MAN2A2: variants seen among roughly 807,000 people sequenced by gnomAD.
MAN2A2 encodes the protein mannosidase alpha class 2A member 2.
A neutral mutation model predicts 126.8 loss-of-function variants in MAN2A2; 79 were observed. The observed-to-expected ratio is 0.62, with a 90% confidence interval of 0.52 to 0.75. The LOEUF is 0.75. Among genes scored for constraint, MAN2A2 ranks in the 30% least tolerant of loss-of-function variants. The pLI is 0.00. For synonymous variants in MAN2A2, 671 were observed against 618.7 expected, an observed-to-expected ratio of 1.08 and a Z score of -1.25; for missense variants, 1,392 against 1,522.4, an observed-to-expected ratio of 0.91 and a Z score of 1.43.
Position 90,918,271 on chromosome 15 carries a change from C to G in MAN2A2, c.3072C>G (p.Leu1024=). The G allele has an allele frequency of 6.2e-7, 1 of 1,614,196 alleles. No individual in the cohort carries two copies. Residue 1024 remains leucine (L), a synonymous_variant, in exon 21 of 23, where the codon CTC becomes CTG. Transcript: ENST00000559717. Reference sequence around the variant, plus strand: ...CCATGTACCTGAACGCCCCGGCGCTCGCTCTGCCTGTAGCCAGGATGCAGC... The same window carrying G: ...CCATGTACCTGAACGCCCCGGCGCTGGCTCTGCCTGTAGCCAGGATGCAGC... ...LTSMYLNAPA[L]ALPVARMQLP...
chr15:90,918,655 T>C lies in MAN2A2; in HGVS notation c.3200T>C (p.Leu1067Pro). The C allele has an allele frequency of 6.6e-7, 1 of 1,518,164 alleles. No individual in the cohort carries two copies. The highest frequency in any genetic ancestry group is 9.1e-7 in the Non-Finnish European group (1 of 1,093,352). The allele number at this position is 1,518,164 out of a possible 1,614,324, so 94.0% of individuals were successfully genotyped here. A position where few individuals can be genotyped will look rare whatever the true frequency, so the allele number is the denominator to read the frequency against. ...CTGTCTGTCATCCAGGAGGACACCC[T>C]ACCCTCGGCGGAGACCGCACTCATC... The part of the protein sequence containing the change: ...LRTLQAEEDT[L>P]PSAETALILH... The change falls in exon 22 of 23, where the codon CTA becomes CCA. Residue 1067 changes from leucine to proline, a missense_variant. Leu to Pro is a moderately conservative substitution (Grantham distance 98, BLOSUM62 -3). Transcript: ENST00000559717.
chr15:90,913,178 C>A (rs1258828216), intron 17 of MAN2A2, 95 bp from the exon 18 acceptor site: 57 of 1,474,888 alleles, frequency 3.9e-5, no homozygotes, highest in Admixed American at 1.2e-4. Context: ...TTGGACAGAG[C>A]CTCTCCCCAG....
In MAN2A2 at chr15:90,912,286, G is replaced by T; in HGVS notation, c.2346+7G>T. On this transcript the variant is annotated splice_region_variant and intron_variant, in intron 15 of 22. Transcript: ENST00000559717. ...CCTTACTGGGCTCCTCAAGGTAAAAGGCCAGGGTGGTGGGGAAGGGCCAGG... is the reference window on the plus strand; with the variant it reads ...CCTTACTGGGCTCCTCAAGGTAAAATGCCAGGGTGGTGGGGAAGGGCCAGG... 3.7e-6 allele frequency: 6 copies of T among 1,614,096 alleles called. No individual in the cohort carries two copies. Among genetic ancestry groups the T allele is most frequent in the Non-Finnish European group, 5.1e-6 (6 of 1,179,924 alleles).
intron 22 of MAN2A2, 27 bp downstream of exon 22, chr15:90,918,782 C>T (rs2035382713): frequency 6.9e-7 from 1 of 1,458,850 alleles, no homozygotes; most frequent in Admixed American, 1.7e-5. Context: ...AACAGAGCAC[C>T]TAGGAATGGC....
intron 19 of MAN2A2, among the ~76,000 whole-genome samples, chr15:90,914,159 G>T (rs540260407): frequency 6.6e-6 from 1 of 152,288 alleles, no homozygotes; most frequent in African/African-American, 2.4e-5. Flanking sequence ...CGAGACCCAG[G>T]CTCTACAAAA....
chr15:90,911,839 G>A lies in MAN2A2; in HGVS notation c.2110-204G>A, dbSNP rs1054018963. On this transcript the variant is annotated intron_variant, in intron 14 of 22. Transcript: ENST00000559717. Reference sequence around the variant, plus strand: ...ATCGAAAGCTTAATGTGTTGTTACCGCTTCATACTTTTTCAAATATCACTT... The same window carrying A: ...ATCGAAAGCTTAATGTGTTGTTACCACTTCATACTTTTTCAAATATCACTT... 19 of 626,536 alleles carry A rather than the reference G, an allele frequency of 3.0e-5. No individual in the cohort carries two copies. The Admixed American group carries it at 4.5e-4, about 15-fold the overall frequency. The allele number at this position is 626,536 out of a possible 1,614,324, so 38.8% of individuals were successfully genotyped here. A position where few individuals can be genotyped will look rare whatever the true frequency, so the allele number is the denominator to read the frequency against.
chr15:90,912,343 T>C, intron 15 of MAN2A2, 64 bp downstream of exon 15: 1 of 1,586,528 alleles, frequency 6.3e-7, no homozygotes, highest in South Asian at 1.1e-5. Flanking sequence ...GTGGTGGCAC[T>C]GTGCAGAGCG....
chr15:90,906,057 G>C, intron 5 of MAN2A2, 41 bp downstream of exon 5: 1 of 1,611,546 alleles, frequency 6.2e-7, no homozygotes. Flanking sequence ...CATTGTCTGA[G>C]CCCCAGGCTG....
At chr15:90,910,454 C>T (rs2034635562) in intron 10 of MAN2A2, 47 bp from the exon 11 acceptor site, 1 of 1,604,716 alleles carries the variant, frequency 6.2e-7, no homozygotes, top group Admixed American at 1.7e-5. Flanking sequence ...TGTGGGTGGG[C>T]CCTGGCTAGT....
chr15:90,915,351 G>A (rs1176516755), intron 19 of MAN2A2: 2 of 152,238 alleles, frequency 1.3e-5, no homozygotes, highest in Admixed American at 6.5e-5. Flanking sequence ...GGAATGTAGG[G>A]GCAGCTGGTG....
chr15:90,904,951 C>T (rs1420002878), intron 2 of MAN2A2, among the ~76,000 whole-genome samples: 3 of 152,162 alleles, frequency 2.0e-5, no homozygotes, highest in Non-Finnish European at 4.4e-5. Context: ...TGCCATTAAG[C>T]CCCGCTGAAA....
chr15:90,912,107 A>G lies in MAN2A2; in HGVS notation c.2174A>G (p.Asp725Gly). 1 of 1,613,498 alleles carries G rather than the reference A, an allele frequency of 6.2e-7. No homozygotes were observed. ...GTGCTGCAGCTACAGCTGGGCCTGG[A>G]TGGGCACCGCACGCTGCCCTCCTCT... is the stretch of plus-strand genomic sequence containing the variant. The part of the protein sequence containing the change: ...LGVLQLQLGL[D>G]GHRTLPSSVR... The change falls in exon 15 of 23, where the codon GAT (aspartate) becomes GGT (glycine). Residue 725 changes from aspartate (D) to glycine (G), a missense_variant. Physicochemically the swap from Asp to Gly is moderately conservative, Grantham distance 94. Coordinates refer to ENST00000559717, the MANE Select transcript of MAN2A2 (RefSeq NM_006122.4).
rs2034928533 is a variant in MAN2A2, at chr15:90,913,461, T to C, written c.2718+55T>C. 8 of 1,576,328 alleles carry C rather than the reference T, an allele frequency of 5.1e-6. No individual in the cohort carries two copies. The Admixed American group carries it at 1.4e-4, about 27-fold the overall frequency. ...CCACAGAGTAGAACTTGGACTCTGC[T>C]TTTGCCCCTGTCACAGGCCCTGGGG... On this transcript the variant is annotated intron_variant, in intron 18 of 22. Coordinates refer to ENST00000559717, the MANE Select transcript of MAN2A2 (RefSeq NM_006122.4).
At position 90,906,502 on chromosome 15, in the gene MAN2A2, G is replaced by T; in HGVS notation, c.835+5G>T. 3.1e-6 allele frequency: 5 copies of T among 1,614,170 alleles called. No individual in the cohort carries two copies. The highest frequency in any genetic ancestry group is 4.2e-6 in the Non-Finnish European group (5 of 1,179,992). On this transcript the variant is annotated splice_donor_5th_base_variant and intron_variant, in intron 6 of 22. Coordinates refer to ENST00000559717, the MANE Select transcript of MAN2A2 (RefSeq NM_006122.4). ...AGTGGCTGGAGAGAAATCTTGGTAA[G>T]TCCAGGCCCAGGCATGGGGGTCTGC...
rs1473076563 is a variant in MAN2A2, at chr15:90,905,351, T to A, written c.233T>A (p.Leu78Gln). Residue 78 changes from leucine (L) to glutamine (Q), a missense_variant, in exon 3 of 23, where the codon CTG becomes CAG. Leu to Gln is a moderately radical substitution (Grantham distance 113). Coordinates refer to ENST00000559717, the MANE Select transcript of MAN2A2 (RefSeq NM_006122.4). ...ISHIKDSVLE[L>Q]TANAEGPPAM... ...CATATCAAGGACTCCGTGCTGGAGC[T>A]GACAGCCAACGCAGAGGGCCCGCCC... is the stretch of plus-strand genomic sequence containing the variant. The A allele has an allele frequency of 2.5e-6, 4 of 1,613,872 alleles. No homozygotes were observed. The Admixed American group carries it at 6.7e-5, about 27-fold the overall frequency.
intron 20 of MAN2A2, chr15:90,916,630 C>G (rs1288552315): frequency 7.7e-7 from 1 of 1,304,528 alleles, no homozygotes; most frequent in Non-Finnish European, 1.0e-6. Context: ...GGGGCTTGAT[C>G]TTTCACAGCA....
intron 14 of MAN2A2, chr15:90,911,792 A>G (rs1300910213): frequency 1.7e-6 from 1 of 603,684 alleles, no homozygotes; most frequent in African/African-American, 1.9e-5. Context: ...ATAATGCCCC[A>G]TCATTCAGTC....
rs1335841843 is a variant in MAN2A2 at position 90,919,802 on chromosome 15, T to G, written c.*15T>G. The G allele has an allele frequency of 6.2e-7, 1 of 1,613,576 alleles. No homozygotes were observed. Among genetic ancestry groups the G allele is most frequent in the East Asian group, 2.2e-5 (1 of 44,866 alleles). ...GCTTGGGTTAGGGCTTCTTGTGGCC[T>G]GAAGAGAAAGTTCATTCACAGAGAC... is the stretch of plus-strand genomic sequence containing the variant. On this transcript the variant is annotated 3_prime_UTR_variant, in exon 23 of 23. Transcript: ENST00000559717.
At chr15:90,907,035 G>GC in intron 7 of MAN2A2, 122 bp downstream of exon 7, 1 of 1,276,888 alleles carries the variant, frequency 7.8e-7, no homozygotes, top group South Asian at 1.3e-5. Flanking sequence ...GGTGTGGACT[G>GC]CCAGAAATGG....
Sources: allele counts gnomAD v4.1 joint callset (sites outside exome capture counted in the v4.1 genomes callset), GRCh38; gene constraint gnomAD v4.1.1; transcripts MANE v1.5; gene names NCBI Gene and HGNC (gene_info 2026-07-23, HGNC 2026-07-21).